The following LRP11 variants were observed in gnomAD, a reference collection of about 807,000 sequenced individuals.
LRP11 encodes low-density lipoprotein receptor-related protein 11.
LRP11 carries 25 observed loss-of-function variants against 43.1 expected under a neutral mutation model. That is an observed-to-expected ratio of 0.58 (90% confidence interval 0.42 to 0.81). The LOEUF is 0.81. LRP11 is among the 30% of genes least tolerant of loss of function. LRP11 has a pLI of 0.00. For synonymous variants in LRP11, 316 were observed against 299.4 expected, an observed-to-expected ratio of 1.06 and a Z score of -0.57; for missense variants, 623 against 665.1, an observed-to-expected ratio of 0.94 and a Z score of 0.70.
At chr6:149,824,872 C>T (rs1339299762) in intron 6 of LRP11, among the ~76,000 whole-genome samples, 1 of 152,004 alleles carries the variant, frequency 6.6e-6, no homozygotes. Context: ...AAAAACAAAA[C>T]AAAACAAAAA....
Position 149,855,045 on chromosome 6 carries a change from T to C in LRP11, c.614-1885A>G, listed in dbSNP as rs114092992. On this transcript the variant is annotated intron_variant, in intron 1 of 6. Coordinates refer to ENST00000239367, the MANE Select transcript of LRP11 (RefSeq NM_032832.6). Reference sequence around the variant, plus strand: ...CTTTCAGATGTTTAGGACCTAACCCTCCAGGATTCTCTTCTCTTCTAGTGG... The same window carrying C: ...CTTTCAGATGTTTAGGACCTAACCCCCCAGGATTCTCTTCTCTTCTAGTGG... Among the ~76,000 whole-genome samples, 490 of 152,276 alleles carry C rather than the reference T, an allele frequency of 3.2e-3. 1 individual carries two copies. The highest frequency in any genetic ancestry group is 0.011 in the African/African-American group (465 of 41,562).
intron 2 of LRP11, among the ~76,000 whole-genome samples, chr6:149,846,961 TAGAATAGAATAGAATAG>T (rs1776644142): frequency 4.1e-5 from 5 of 123,132 alleles, no homozygotes; most frequent in African/African-American, 1.6e-4. Context: ...AATAATAGAA[TAGAATAGAATAGAATAG>T]AATAGAATAG....
Position 149,826,284 on chromosome 6 carries a change from T to A in LRP11, c.1328A>T (p.Glu443Val), listed in dbSNP as rs757708229. 1.9e-6 allele frequency: 3 copies of A among 1,613,552 alleles called. No individual in the cohort carries two copies. The highest frequency in any genetic ancestry group is 4.5e-5 in the East Asian group (2 of 44,876). ...FESKGDGGGGEHPAPETGAVL... is the reference protein window; with the variant it reads ...FESKGDGGGGVHPAPETGAVL... ...TTTACCTGTTTCTGGGGCTGGGTGT[T>A]CCCCTCCTCCTCCATCACCCTTTGA... The change falls in exon 6 of 7, where the codon GAA becomes GTA. Residue 443 changes from glutamate to valine, a missense_variant. Coordinates refer to ENST00000239367, the MANE Select transcript of LRP11 (RefSeq NM_032832.6).
In LRP11 at chr6:149,820,628, A is replaced by G. The variant is rs1396284521; in HGVS notation, c.1424T>C (p.Leu475Pro). The G allele has an allele frequency of 3.8e-6, 3 of 781,066 alleles. No individual in the cohort carries two copies. Among genetic ancestry groups the G allele is most frequent in the Non-Finnish European group, 7.2e-6 (3 of 418,134 alleles). The allele number at this position is 781,066 out of a possible 1,614,324, so 48.4% of individuals were successfully genotyped here. ...LLLMVACRLRLVKQKLKKARP... is the reference protein window; with the variant it reads ...LLLMVACRLRPVKQKLKKARP... ...AGCTTTTTTCAGTTTCTGTTTCACCAGTCGTAGTCGGCATGCAACCATGAG... is the reference window on the plus strand; with the variant it reads ...AGCTTTTTTCAGTTTCTGTTTCACCGGTCGTAGTCGGCATGCAACCATGAG... The change falls in exon 7 of 7, where the codon CTG becomes CCG. Residue 475 changes from leucine (L) to proline (P), a missense_variant. Coordinates refer to ENST00000239367, the MANE Select transcript of LRP11 (RefSeq NM_032832.6).
chr6:149,830,133 C>T (rs1413409080), intron 5 of LRP11, among the ~76,000 whole-genome samples: 1 of 151,638 alleles, frequency 6.6e-6, no homozygotes, highest in Non-Finnish European at 1.5e-5. Flanking sequence ...GCCTCAGCCT[C>T]CCGAGAAGCT....
chr6:149,861,710 C>T (rs1216613198), intron 1 of LRP11, among the ~76,000 whole-genome samples: 3 of 152,118 alleles, frequency 2.0e-5, no homozygotes, highest in African/African-American at 7.2e-5. Flanking sequence ...TTAGCAAAGA[C>T]GGGTTTTGTC....
intron 6 of LRP11, among the ~76,000 whole-genome samples, chr6:149,821,274 A>G (rs1450500392): frequency 6.6e-6 from 1 of 152,268 alleles, no homozygotes; most frequent in South Asian, 2.1e-4. Context: ...CTTCCTACAA[A>G]ATTTGTATGG....
chr6:149,831,340 C>A (rs1015306346), intron 5 of LRP11, among the ~76,000 whole-genome samples: 1 of 152,234 alleles, frequency 6.6e-6, no homozygotes, highest in Non-Finnish European at 1.5e-5. Flanking sequence ...GGATGTAGCA[C>A]CACTTTTCTA....
chr6:149,861,820 C>G (rs1283314241), intron 1 of LRP11, among the ~76,000 whole-genome samples: 10 of 152,328 alleles, frequency 6.6e-5, no homozygotes, highest in Admixed American at 5.9e-4. Context: ...TGCCTGGCGT[C>G]TCCAAGTAAT....
intron 5 of LRP11, among the ~76,000 whole-genome samples, chr6:149,829,144 G>A (rs2115376404): frequency 6.6e-6 from 1 of 152,216 alleles, no homozygotes; most frequent in African/African-American, 2.4e-5. Context: ...CCTCCCCCAT[G>A]CCGTACTGCC....
chr6:149,834,642 C>T (rs1244077925), intron 5 of LRP11, among the ~76,000 whole-genome samples: 1 of 152,188 alleles, frequency 6.6e-6, no homozygotes, highest in Non-Finnish European at 1.5e-5. Flanking sequence ...TACAAACTAT[C>T]TTAAGCAGAG....
In LRP11 at chr6:149,855,697, CTT is replaced by C. The variant is rs11289615; in HGVS notation, c.614-2539_614-2538del. 2.1e-3 allele frequency among the ~76,000 whole-genome samples: 284 copies of C among 134,850 alleles called. 1 individual carries two copies. The highest frequency in any genetic ancestry group is 7.4e-3 in the Middle Eastern group (2 of 272). The allele number at this position is 134,850 out of a possible 152,430, so 88.5% of individuals were successfully genotyped here. A position where few individuals can be genotyped will look rare whatever the true frequency, so the allele number is the denominator to read the frequency against. Reference sequence around the variant, plus strand: ...GCTGCCAGCCACAAAGGGAAGATGCCTTTTTTTTTTTTTTTAAAAAAAAAACA... The same window carrying C: ...GCTGCCAGCCACAAAGGGAAGATGCCTTTTTTTTTTTTTAAAAAAAAAACA... On this transcript the variant is annotated intron_variant, in intron 1 of 6. Transcript: ENST00000239367.
At chr6:149,830,405 A>G (rs1467747613) in intron 5 of LRP11, among the ~76,000 whole-genome samples, 1 of 152,208 alleles carries the variant, frequency 6.6e-6, no homozygotes, top group Non-Finnish European at 1.5e-5. Context: ...AGAACCCAGG[A>G]CTGATCCAAA....
intron 6 of LRP11, 49 bp downstream of exon 6, chr6:149,826,215 G>T (rs1427377821): frequency 1.4e-6 from 2 of 1,395,420 alleles, no homozygotes; most frequent in African/African-American, 2.8e-5. Context: ...AGGGCATGCA[G>T]TTCTGAGAAG....
chr6:149,845,431 C>A (rs1745102016), intron 2 of LRP11, among the ~76,000 whole-genome samples: 1 of 152,228 alleles, frequency 6.6e-6, no homozygotes, highest in African/African-American at 2.4e-5. Context: ...ACTTTCCCTG[C>A]AAAAGCCTTA....
At chr6:149,826,214 A>C in intron 6 of LRP11, 50 bp downstream of exon 6, 1 of 1,343,752 alleles carries the variant, frequency 7.4e-7, no homozygotes, top group South Asian at 1.2e-5. Flanking sequence ...GAGGGCATGC[A>C]GTTCTGAGAA....
Position 149,863,484 on chromosome 6 carries a change from G to A in LRP11, c.537C>T (p.Ser179=), listed in dbSNP as rs781004944. ...GRNVCKFALH[S]GYSSYSLSRA... Reference sequence around the variant, plus strand: ...GGCTGAGGCTGTAGCTGCTGTAGCCGCTGTGCAGCGCGAACTTGCAGACGT... The same window carrying A: ...GGCTGAGGCTGTAGCTGCTGTAGCCACTGTGCAGCGCGAACTTGCAGACGT... Residue 179 remains serine (S), a synonymous_variant, in exon 1 of 7, where the codon AGC becomes AGT. Coordinates refer to ENST00000239367, the MANE Select transcript of LRP11 (RefSeq NM_032832.6). 404 of 1,342,050 alleles carry A rather than the reference G, an allele frequency of 3.0e-4. 3 individuals carry two copies. Among genetic ancestry groups the A allele is most frequent in the Non-Finnish European group, 7.5e-5 (79 of 1,055,514 alleles). The allele number at this position is 1,342,050 out of a possible 1,614,324, so 83.1% of individuals were successfully genotyped here.
At chr6:149,847,587 CTATA>C (rs1776656606) in intron 2 of LRP11, among the ~76,000 whole-genome samples, 1 of 152,106 alleles carries the variant, frequency 6.6e-6, no homozygotes, top group Non-Finnish European at 1.5e-5. Flanking sequence ...AAAAAACTAT[CTATA>C]TATGTACACA....
chr6:149,841,029 G>C (rs1344068060), intron 3 of LRP11, among the ~76,000 whole-genome samples: 1 of 152,182 alleles, frequency 6.6e-6, no homozygotes, highest in Non-Finnish European at 1.5e-5. Flanking sequence ...TGCCTGTCCT[G>C]TCTGTGAATG....
Sources: gnomAD v4.1 joint callset for allele counts (sites outside exome capture counted in the v4.1 genomes callset) on GRCh38, gnomAD v4.1.1 for gene constraint, MANE v1.5 for transcripts, NCBI Gene and HGNC (gene_info 2026-07-23, HGNC 2026-07-21) for gene names.